The following GAN variants were observed in gnomAD, a reference collection of about 807,000 sequenced individuals.
GAN encodes epididymis secretory sperm binding protein.
Under a neutral mutation model 71.3 loss-of-function variants are expected in GAN, and 48 were observed. The ratio of observed to expected loss-of-function variants is 0.67; its 90% CI spans 0.53 to 0.86. The LOEUF is 0.86. Ranked by LOEUF, GAN falls within the 40% of genes least tolerant of loss-of-function variation. GAN has a pLI of 0.00. For synonymous variants in GAN, 386 were observed against 276.8 expected, an observed-to-expected ratio of 1.39 and a Z score of -3.92; for missense variants, 928 against 770.1, an observed-to-expected ratio of 1.21 and a Z score of -2.43.
At chr16:81,358,988 G>A (rs1166122420) in intron 5 of GAN, among the ~76,000 whole-genome samples, 1 of 152,102 alleles carries the variant, frequency 6.6e-6, no homozygotes, top group Non-Finnish European at 1.5e-5. Flanking sequence ...ATCTTGCAAT[G>A]TTGCCCAGGC....
At chr16:81,341,665 G>C (rs907408454) in intron 1 of GAN, among the ~76,000 whole-genome samples, 1 of 152,170 alleles carries the variant, frequency 6.6e-6, no homozygotes, top group Admixed American at 6.5e-5. Context: ...ACCGGTACCA[G>C]CCACTGTAAA....
At chr16:81,319,224 A>ATATATATATATC (rs998809260) in intron 1 of GAN, among the ~76,000 whole-genome samples, 3 of 148,520 alleles carry the variant, frequency 2.0e-5, no homozygotes, top group Admixed American at 6.7e-5. Flanking sequence ...ATATATATAT[A>ATATATATATATC]TCTAACAACC....
chr16:81,367,728 G>A (rs914335135), intron 9 of GAN, among the ~76,000 whole-genome samples: 8 of 152,098 alleles, frequency 5.3e-5, no homozygotes, highest in African/African-American at 1.2e-4. Context: ...ACTCTGAAGC[G>A]CATGTAGGTA....
chr16:81,370,607 G>A (rs1374910717), intron 9 of GAN, among the ~76,000 whole-genome samples: 1 of 152,226 alleles, frequency 6.6e-6, no homozygotes, highest in African/African-American at 2.4e-5. Flanking sequence ...TGTGTGTGCT[G>A]AGGCCGCTGG....
chr16:81,363,662 C>G (rs914250318), intron 6 of GAN, 132 bp from the exon 7 acceptor site: 7 of 859,636 alleles, frequency 8.1e-6, no homozygotes, highest in Admixed American at 1.9e-5. Context: ...CTCCCTGTCT[C>G]CTTGCTCTAG....
intron 6 of GAN, among the ~76,000 whole-genome samples, chr16:81,363,048 G>T (rs139388321): frequency 5.6e-4 from 86 of 152,312 alleles, no homozygotes; most frequent in African/African-American, 2.0e-3. Context: ...TTCATTTTCA[G>T]CACTAGAATC....
chr16:81,356,977 G>A lies in GAN; in HGVS notation c.826G>A (p.Val276Met), dbSNP rs34702055. Residue 276 changes from valine (V) to methionine (M), a missense_variant, in exon 4 of 11, where the codon GTG becomes ATG. By Grantham distance (21) the Val-to-Met change is conservative. Transcript: ENST00000648994. ...ACCCCGGGGCTACTCTGAGTGCATC[G>A]TGACTGTTGGTGGAGAAGAGAGAGT... Reference protein sequence around the residue: ...FKPRGYSECIVTVGGEERVSR... With the variant: ...FKPRGYSECIMTVGGEERVSR... 9.3e-6 allele frequency: 15 copies of A among 1,608,472 alleles called. No individual in the cohort carries two copies. The highest frequency in any genetic ancestry group is 8.0e-5 in the African/African-American group (6 of 74,796).
At chr16:81,335,957 C>G (rs1260638281) in intron 1 of GAN, among the ~76,000 whole-genome samples, 2 of 152,126 alleles carry the variant, frequency 1.3e-5, no homozygotes, top group Admixed American at 6.5e-5. Context: ...GGTTCCTGCC[C>G]TTCCCCTGCC....
At chr16:81,329,652 A>G (rs1455359350) in intron 1 of GAN, among the ~76,000 whole-genome samples, 1 of 152,076 alleles carries the variant, frequency 6.6e-6, no homozygotes, top group Non-Finnish European at 1.5e-5. Flanking sequence ...TATTTATCAG[A>G]TCATTTTGTT....
At chr16:81,321,507 G>C (rs1909222523) in intron 1 of GAN, among the ~76,000 whole-genome samples, 1 of 152,108 alleles carries the variant, frequency 6.6e-6, no homozygotes. Flanking sequence ...AGAAACTCTG[G>C]TTCCTTAGGA....
intron 1 of GAN, among the ~76,000 whole-genome samples, chr16:81,343,804 A>C (rs1910026174): frequency 6.6e-6 from 1 of 152,232 alleles, no homozygotes; most frequent in African/African-American, 2.4e-5. Flanking sequence ...AGCGTATTGA[A>C]ATAGGAAGAA....
intron 5 of GAN, among the ~76,000 whole-genome samples, chr16:81,361,916 C>A (rs1910685433): frequency 6.6e-6 from 1 of 152,188 alleles, no homozygotes; most frequent in South Asian, 2.1e-4. Flanking sequence ...TATGAACCTC[C>A]TGGGCTCAAG....
At chr16:81,362,259 C>G (rs1910699175) in intron 5 of GAN, among the ~76,000 whole-genome samples, 1 of 152,120 alleles carries the variant, frequency 6.6e-6, no homozygotes, top group Non-Finnish European at 1.5e-5. Flanking sequence ...GCCAGGCTTC[C>G]TTTTTCATTG....
chr16:81,352,036 G>T (rs1910317334), intron 2 of GAN, among the ~76,000 whole-genome samples: 1 of 152,128 alleles, frequency 6.6e-6, no homozygotes, highest in South Asian at 2.1e-4. Flanking sequence ...TTCCAGTCTT[G>T]CTTTGTATCC....
At chr16:81,327,726 T>C (rs968753834) in intron 1 of GAN, among the ~76,000 whole-genome samples, 41 of 152,198 alleles carry the variant, frequency 2.7e-4, no homozygotes, top group African/African-American at 9.2e-4. Context: ...GTGCTGCCTG[T>C]GTACTGTAGC....
intron 1 of GAN, among the ~76,000 whole-genome samples, chr16:81,318,653 T>C (rs1909124611): frequency 1.3e-5 from 2 of 152,248 alleles, no homozygotes; most frequent in South Asian, 4.1e-4. Flanking sequence ...TTTTGACTTA[T>C]TGGTTTAATC....
chr16:81,332,749 G>T (rs898965638), intron 1 of GAN, among the ~76,000 whole-genome samples: 2 of 152,176 alleles, frequency 1.3e-5, no homozygotes, highest in African/African-American at 2.4e-5. Flanking sequence ...GTACTAGTCA[G>T]TTATTTTATA....
intron 1 of GAN, among the ~76,000 whole-genome samples, chr16:81,320,052 C>A (rs1433176718): frequency 6.6e-6 from 1 of 152,150 alleles, no homozygotes; most frequent in Admixed American, 6.5e-5. Flanking sequence ...TTGTATAAAT[C>A]CAGGCCTGTA....
intron 3 of GAN, among the ~76,000 whole-genome samples, chr16:81,356,448 T>G (rs996045121): frequency 1.3e-5 from 2 of 152,218 alleles, no homozygotes; most frequent in Non-Finnish European, 2.9e-5. Context: ...CACATCCAAA[T>G]GTGTGAAATA....
Sources: allele counts gnomAD v4.1 joint callset (sites outside exome capture counted in the v4.1 genomes callset), GRCh38; gene constraint gnomAD v4.1.1; transcripts MANE v1.5; gene names NCBI Gene and HGNC (gene_info 2026-07-23, HGNC 2026-07-21).